The following RALGAPA2 variants were observed in gnomAD, a reference collection of about 807,000 sequenced individuals.
RALGAPA2 encodes the protein ral GTPase-activating protein subunit alpha-2.
A neutral mutation model predicts 230.4 loss-of-function variants in RALGAPA2; 139 were observed. That is an observed-to-expected ratio of 0.60 (90% confidence interval 0.53 to 0.69). The LOEUF is 0.69. Among genes scored for constraint, RALGAPA2 ranks in the 30% least tolerant of loss-of-function variants. The probability of loss-of-function intolerance (pLI) is 0.00; values close to 1 mark genes in which losing one functional copy is unlikely to be tolerated. For missense variants in RALGAPA2, 2,163 were observed against 2,276.0 expected, an observed-to-expected ratio of 0.95 and a Z score of 1.01; for synonymous variants, 847 against 837.8, an observed-to-expected ratio of 1.01 and a Z score of -0.19.
At chr20:20,393,580 G>A (rs2059642199) in intron 39 of RALGAPA2, among the ~76,000 whole-genome samples, 1 of 152,194 alleles carries the variant, frequency 6.6e-6, no homozygotes, top group Non-Finnish European at 1.5e-5. Flanking sequence ...AAGAGCCACT[G>A]AAGAAGCAGT....
At chr20:20,535,989 G>A (rs2063488361) in intron 25 of RALGAPA2, among the ~76,000 whole-genome samples, 186 bp from the exon 26 acceptor site, 1 of 152,176 alleles carries the variant, frequency 6.6e-6, no homozygotes, top group Admixed American at 6.5e-5. Context: ...GTAGAAGATG[G>A]GGGTCTCCAC....
intron 10 of RALGAPA2, among the ~76,000 whole-genome samples, chr20:20,626,913 T>A (rs1289902277): frequency 6.6e-6 from 1 of 152,202 alleles, no homozygotes; most frequent in Non-Finnish European, 1.5e-5. Context: ...TATTTACTAG[T>A]TGGCCTTTTG....
At chr20:20,708,811 T>C (rs1568784232) in intron 1 of RALGAPA2, among the ~76,000 whole-genome samples, 1 of 152,222 alleles carries the variant, frequency 6.6e-6, no homozygotes, top group Non-Finnish European at 1.5e-5. Context: ...TTTACTATTA[T>C]TTTGTATCTA....
chr20:20,547,473 T>C (rs1242425075), intron 23 of RALGAPA2, among the ~76,000 whole-genome samples: 2 of 152,204 alleles, frequency 1.3e-5, no homozygotes, highest in African/African-American at 4.8e-5. Flanking sequence ...CATCTTGTGT[T>C]CCTGTGTGTG....
intron 2 of RALGAPA2, 149 bp downstream of exon 2, chr20:20,680,542 A>T: frequency 2.5e-6 from 3 of 1,181,560 alleles, no homozygotes; most frequent in Non-Finnish European, 3.3e-6. Flanking sequence ...AGAGAAACAA[A>T]GATGCCACCC....
chr20:20,482,879 C>T (rs1375502597), intron 36 of RALGAPA2, among the ~76,000 whole-genome samples: 1 of 152,170 alleles, frequency 6.6e-6, no homozygotes, highest in Non-Finnish European at 1.5e-5. Flanking sequence ...TGATATGGGA[C>T]TTGATGAAAT....
intron 4 of RALGAPA2, among the ~76,000 whole-genome samples, chr20:20,647,449 C>T (rs2067254947): frequency 6.6e-6 from 1 of 152,100 alleles, no homozygotes; most frequent in Non-Finnish European, 1.5e-5. Flanking sequence ...CAGCATTCCA[C>T]TAAAAAATTT....
intron 4 of RALGAPA2, among the ~76,000 whole-genome samples, chr20:20,649,286 A>G (rs1420619089): frequency 6.6e-6 from 1 of 152,204 alleles, no homozygotes; most frequent in Non-Finnish European, 1.5e-5. Flanking sequence ...GAGCAGGGAA[A>G]GCTGCCAGAC....
intron 33 of RALGAPA2, 34 bp from the exon 34 acceptor site, chr20:20,505,568 C>G (rs1056680996): frequency 6.7e-7 from 1 of 1,496,468 alleles, no homozygotes; most frequent in Non-Finnish European, 8.9e-7. Flanking sequence ...AGTTAGAATT[C>G]TTATATGTAA....
intron 35 of RALGAPA2, 24 bp from the exon 36 acceptor site, chr20:20,495,299 A>G: frequency 6.7e-7 from 1 of 1,502,438 alleles, no homozygotes; most frequent in South Asian, 1.3e-5. Flanking sequence ...TTGACTGTTT[A>G]TTAATCAGGG....
rs538157638 is a variant in RALGAPA2, at chr20:20,548,208, T to C, written c.3157-1376A>G. ...TGGTTATCTAAAAAATCCTTAAAAATAATCCTGATTTAATTCTATCAGTAT... is the reference window on the plus strand; with the variant it reads ...TGGTTATCTAAAAAATCCTTAAAAACAATCCTGATTTAATTCTATCAGTAT... On this transcript the variant is annotated intron_variant, in intron 23 of 39. Transcript: ENST00000202677. Among the ~76,000 whole-genome samples the C allele has an allele frequency of 7.9e-5, 12 of 152,220 alleles. No homozygotes were observed. The East Asian group carries it at 1.9e-3, about 24-fold the overall frequency.
At chr20:20,602,667 T>A (rs1471977963) in intron 15 of RALGAPA2, among the ~76,000 whole-genome samples, 3 of 152,220 alleles carry the variant, frequency 2.0e-5, no homozygotes, top group African/African-American at 7.2e-5. Context: ...GCAACATAAA[T>A]CAGAAATATT....
rs188369779 is a variant in RALGAPA2 at position 20,407,875 on chromosome 20, T to G, written c.5617+4152A>C. ...ATGGCAGTGGCATCCTAAGACCGAC[T>G]CAGACTAATCTGGTTTAAGCTCCAA... On this transcript the variant is annotated intron_variant, in intron 38 of 39. Coordinates refer to ENST00000202677, the MANE Select transcript of RALGAPA2 (RefSeq NM_020343.4). 2.6e-4 allele frequency among the ~76,000 whole-genome samples: 39 copies of G among 152,354 alleles called. 1 individual carries two copies. Among genetic ancestry groups the G allele is most frequent in the African/African-American group, 9.1e-4 (38 of 41,588 alleles).
chr20:20,570,764 T>C (rs2064602103), intron 23 of RALGAPA2, among the ~76,000 whole-genome samples: 2 of 152,176 alleles, frequency 1.3e-5, no homozygotes, highest in African/African-American at 2.4e-5. Context: ...CTGTGAAGCA[T>C]AAATCAATCA....
intron 1 of RALGAPA2, among the ~76,000 whole-genome samples, chr20:20,689,514 C>G (rs750882001): frequency 6.6e-6 from 1 of 152,182 alleles, no homozygotes; most frequent in Non-Finnish European, 1.5e-5. Flanking sequence ...TGGTGGTGCA[C>G]GCCTGTAATC....
At chr20:20,587,086 A>C (rs560603423) in intron 18 of RALGAPA2, among the ~76,000 whole-genome samples, 1 of 152,346 alleles carries the variant, frequency 6.6e-6, no homozygotes, top group Non-Finnish European at 1.5e-5. Context: ...CATATACCAA[A>C]AAGAACAAAC....
intron 36 of RALGAPA2, among the ~76,000 whole-genome samples, chr20:20,474,247 T>C (rs1413590029): frequency 3.9e-5 from 6 of 152,158 alleles, no homozygotes; most frequent in Admixed American, 2.6e-4. Flanking sequence ...GCACAGGCCT[T>C]GTGGTGGGAG....
At chr20:20,556,672 A>G (rs79431763) in intron 23 of RALGAPA2, among the ~76,000 whole-genome samples, 2,327 of 152,320 alleles carry the variant, frequency 0.015, 48 homozygotes, top group African/African-American at 0.053. Flanking sequence ...CCAGTAAGTG[A>G]TAACAGTGGA....
rs529712183 is a variant in RALGAPA2 at position 20,638,843 on chromosome 20, C to T, written c.666+942G>A. ...GGGGCAAGGAAAGGGGACAAAATTG[C>T]TAAGTATTCAGAAAGAGCAGCCAAG... On this transcript the variant is annotated intron_variant, in intron 7 of 39. Transcript: ENST00000202677. Among the ~76,000 whole-genome samples the T allele has an allele frequency of 9.9e-5, 15 of 152,238 alleles. 1 individual carries two copies. Among genetic ancestry groups the T allele is most frequent in the African/African-American group, 2.9e-4 (12 of 41,552 alleles).
Sources: gnomAD v4.1 joint callset for allele counts (sites outside exome capture counted in the v4.1 genomes callset) on GRCh38, gnomAD v4.1.1 for gene constraint, MANE v1.5 for transcripts, NCBI Gene and HGNC (gene_info 2026-07-23, HGNC 2026-07-21) for gene names.